SLC9C2: variants seen among roughly 807,000 people sequenced by gnomAD.
SLC9C2 encodes sodium/hydrogen exchanger 11.
Under a neutral mutation model 140.2 loss-of-function variants are expected in SLC9C2, and 75 were observed. That is an observed-to-expected ratio of 0.53 (90% CI 0.44 to 0.65). SLC9C2 has a LOEUF of 0.65. Among genes scored for constraint, SLC9C2 ranks in the 30% least tolerant of loss-of-function variants. The pLI is 0.00. For synonymous variants in SLC9C2, 375 were observed against 420.9 expected, an observed-to-expected ratio of 0.89 and a Z score of 1.34; for missense variants, 1,074 against 1,331.8, an observed-to-expected ratio of 0.81 and a Z score of 3.01.
intron 21 of SLC9C2, among the ~76,000 whole-genome samples, chr1:173,522,221 CAA>C (rs57184360): frequency 0.54 from 74,889 of 139,216 alleles, 20,446 homozygotes; most frequent in East Asian, 0.95. Context: ...GACTCCATCT[CAA>C]AAAAAAAAAA....
At chr1:173,532,003 G>A (rs1234217145) in intron 17 of SLC9C2, among the ~76,000 whole-genome samples, 1 of 152,104 alleles carries the variant, frequency 6.6e-6, no homozygotes, top group African/African-American at 2.4e-5. Flanking sequence ...AGCTCATAAG[G>A]CAAAAAGCAC....
Position 173,558,452 on chromosome 1 carries a change from C to T in SLC9C2, c.1047-944G>A, listed in dbSNP as rs138182922. Among the ~76,000 whole-genome samples the T allele has an allele frequency of 6.6e-3, 1,012 of 152,312 alleles. 6 individuals carry two copies. The highest frequency in any genetic ancestry group is 0.022 in the African/African-American group (909 of 41,560). On this transcript the variant is annotated intron_variant, in intron 9 of 27. Coordinates refer to ENST00000367714, the MANE Select transcript of SLC9C2 (RefSeq NM_178527.4). ...AAACAGGGAGGCAGAACAGCAAATA[C>T]TCTGAAGTCAGCCTACCTGTGTTAA...
At chr1:173,524,445 A>G (rs1041561954) in intron 20 of SLC9C2, among the ~76,000 whole-genome samples, 10 of 152,202 alleles carry the variant, frequency 6.6e-5, no homozygotes, top group Admixed American at 5.9e-4. Flanking sequence ...AGCTTTCTAC[A>G]TCGCTGTTCA....
At chr1:173,552,080 A>T (rs1663353320) in intron 11 of SLC9C2, among the ~76,000 whole-genome samples, 1 of 152,240 alleles carries the variant, frequency 6.6e-6, no homozygotes, top group African/African-American at 2.4e-5. Flanking sequence ...CTGAATAGAA[A>T]ATCAAACCAA....
Position 173,524,903 on chromosome 1 carries a change from T to G in SLC9C2, c.2390A>C (p.Asp797Ala), listed in dbSNP as rs756995523. 1.2e-6 allele frequency: 2 copies of G among 1,614,064 alleles called. No individual in the cohort carries two copies. Among genetic ancestry groups the G allele is most frequent in the Non-Finnish European group, 1.7e-6 (2 of 1,179,960 alleles). The part of the protein sequence containing the change: ...ELVLMEHEGR[D>A]VVIALKTKQA... ...TTTAGTCTTCAAAGCAATGACAACATCACGACCCTCATGCTCCATGAGTAC... is the reference window on the plus strand; with the variant it reads ...TTTAGTCTTCAAAGCAATGACAACAGCACGACCCTCATGCTCCATGAGTAC... Residue 797 changes from aspartate (D) to alanine (A), a missense_variant, in exon 20 of 28, where the codon GAT (aspartate) becomes GCT (alanine). Coordinates refer to ENST00000367714, the MANE Select transcript of SLC9C2 (RefSeq NM_178527.4).
At chr1:173,506,501 A>G (rs1237086557) in intron 25 of SLC9C2, among the ~76,000 whole-genome samples, 1 of 152,230 alleles carries the variant, frequency 6.6e-6, no homozygotes, top group East Asian at 1.9e-4. Context: ...TTTGTCAACC[A>G]GTGCAGATAC....
chr1:173,572,667 AAC>A (rs1387784465), intron 9 of SLC9C2, among the ~76,000 whole-genome samples: 1 of 152,220 alleles, frequency 6.6e-6, no homozygotes, highest in Non-Finnish European at 1.5e-5. Context: ...GTGATGCAAT[AAC>A]ACATACATCA....
chr1:173,574,295 C>T (rs1463013502), intron 8 of SLC9C2, among the ~76,000 whole-genome samples: 3 of 152,126 alleles, frequency 2.0e-5, no homozygotes, highest in African/African-American at 2.4e-5. Context: ...AAGGAAGCCT[C>T]GTTTTAGCTG....
chr1:173,600,182 T>C lies in SLC9C2; in HGVS notation c.163A>G (p.Ile55Val), dbSNP rs1208504652. The C allele has an allele frequency of 8.1e-6, 13 of 1,612,794 alleles. No individual in the cohort carries two copies. The highest frequency in any genetic ancestry group is 1.7e-5 in the Admixed American group (1 of 59,916). Residue 55 changes from isoleucine to valine, a missense_variant, in exon 3 of 28, where the codon ATT becomes GTT. By Grantham distance (29) the Ile-to-Val change is conservative. Coordinates refer to ENST00000367714, the MANE Select transcript of SLC9C2 (RefSeq NM_178527.4). ...LKMCLKNCEVIVLTILSLSGF... is the reference protein window; with the variant it reads ...LKMCLKNCEVVVLTILSLSGF... Reference sequence around the variant, plus strand: ...GATAGAGAAAGAATCGTCAAAACAATGACTTCACAATTCTTTAAACACATC... The same window carrying C: ...GATAGAGAAAGAATCGTCAAAACAACGACTTCACAATTCTTTAAACACATC...
At chr1:173,557,049 G>A (rs1227271414) in intron 10 of SLC9C2, among the ~76,000 whole-genome samples, 1 of 152,080 alleles carries the variant, frequency 6.6e-6, no homozygotes, top group East Asian at 1.9e-4. Context: ...ACTGAAAGTT[G>A]AAGCTCAGCA....
Position 173,524,073 on chromosome 1 carries a change from C to T in SLC9C2, c.2536G>A (p.Ala846Thr). The T allele has an allele frequency of 6.2e-7, 1 of 1,610,494 alleles. No individual in the cohort carries two copies. Among genetic ancestry groups the T allele is most frequent in the African/African-American group, 1.3e-5 (1 of 74,764 alleles). Residue 846 changes from alanine to threonine, a missense_variant, in exon 21 of 28, where the codon GCA (alanine) becomes ACA (threonine). Coordinates refer to ENST00000367714, the MANE Select transcript of SLC9C2 (RefSeq NM_178527.4). The part of the protein sequence containing the change: ...INKVLLKKLK[A>T]LNNFPKAIPP... ...ATTGCCTTTGGAAAGTTATTTAGTGCTTTTAATTTTTTAAGAAGTACCTAA... is the reference window on the plus strand; with the variant it reads ...ATTGCCTTTGGAAAGTTATTTAGTGTTTTTAATTTTTTAAGAAGTACCTAA...
intron 23 of SLC9C2, among the ~76,000 whole-genome samples, chr1:173,517,047 G>T (rs571460434): frequency 1.3e-5 from 2 of 152,176 alleles, no homozygotes; most frequent in East Asian, 3.9e-4. Flanking sequence ...GTTTTGATTT[G>T]CATTTCTCTA....
At chr1:173,501,126 T>C (rs758722300) in intron 27 of SLC9C2, 29 bp from the exon 28 acceptor site, 81 of 1,522,736 alleles carry the variant, frequency 5.3e-5, no homozygotes, top group Non-Finnish European at 6.8e-5. Context: ...AGTTAAATAT[T>C]AGCCTATAAA....
rs533964456 is a variant in SLC9C2 at position 173,573,095 on chromosome 1, T to C, written c.1046+87A>G. ...TTTCCTGGCTCCATGTCCAGAGCCC[T>C]TTTTGCTGTATGCCACTGCTTCCTA... On this transcript the variant is annotated intron_variant, in intron 9 of 27. Coordinates refer to ENST00000367714, the MANE Select transcript of SLC9C2 (RefSeq NM_178527.4). The C allele has an allele frequency of 2.1e-5, 21 of 980,430 alleles. No homozygotes were observed. In the East Asian group the frequency reaches 5.4e-4, roughly 25 times the overall value. 60.7% of individuals were successfully genotyped at this position (980,430 alleles called of 1,614,324 possible). A position where few individuals can be genotyped will look rare whatever the true frequency, so the allele number is the denominator to read the frequency against.
chr1:173,507,435 A>AGTCTG (rs1659726032), intron 24 of SLC9C2, among the ~76,000 whole-genome samples: 1 of 152,136 alleles, frequency 6.6e-6, no homozygotes, highest in African/African-American at 2.4e-5. Flanking sequence ...AGCAAGCTAG[A>AGTCTG]GTCTGAGCTA....
At chr1:173,516,071 G>A (rs917408688) in intron 23 of SLC9C2, among the ~76,000 whole-genome samples, 8 of 152,142 alleles carry the variant, frequency 5.3e-5, no homozygotes, top group African/African-American at 1.4e-4. Context: ...GAGGGGCACC[G>A]AACTGATGCC....
chr1:173,503,414 C>T, intron 26 of SLC9C2, 88 bp from the exon 27 acceptor site: 1 of 1,198,332 alleles, frequency 8.3e-7, no homozygotes, highest in Non-Finnish European at 1.2e-6. Context: ...TATCTATTTG[C>T]TTTCTCCCTA....
chr1:173,548,627 G>A, intron 11 of SLC9C2, 75 bp from the exon 12 acceptor site: 1 of 1,520,908 alleles, frequency 6.6e-7, no homozygotes, highest in African/African-American at 1.4e-5. Flanking sequence ...AATGTTGCAT[G>A]ATCATGTAGT....
intron 25 of SLC9C2, among the ~76,000 whole-genome samples, chr1:173,506,608 G>A (rs920864964): frequency 2.2e-4 from 33 of 152,188 alleles, no homozygotes; most frequent in African/African-American, 7.7e-4. Context: ...CCCACGCCAG[G>A]GCAAAGGGCG....
Sources: gnomAD v4.1 joint callset for allele counts (sites outside exome capture counted in the v4.1 genomes callset) on GRCh38, gnomAD v4.1.1 for gene constraint, MANE v1.5 for transcripts, NCBI Gene and HGNC (gene_info 2026-07-23, HGNC 2026-07-21) for gene names.